GSTZ1: variants seen among roughly 807,000 people sequenced by gnomAD.
GSTZ1 encodes glutathione S-transferase zeta 1, also known as maleylacetoacetate isomerase.
GSTZ1 carries 34 observed loss-of-function variants against 35.9 expected under a neutral mutation model. The ratio of observed to expected loss-of-function variants is 0.95; its 90% confidence interval spans 0.72 to 1.26. The LOEUF (loss-of-function observed/expected upper bound fraction) is 1.26. Among genes scored for constraint, GSTZ1 ranks in the 50% most tolerant of loss-of-function variants. The pLI is 0.00. For synonymous variants in GSTZ1, 93 were observed against 101.2 expected, an observed-to-expected ratio of 0.92 and a Z score of 0.49; for missense variants, 263 against 271.7, an observed-to-expected ratio of 0.97 and a Z score of 0.23.
At chr14:77,330,257 C>A in intron 7 of GSTZ1, 53 bp from the exon 8 acceptor site, 1 of 1,283,666 alleles carries the variant, frequency 7.8e-7, no homozygotes, top group Non-Finnish European at 1.1e-6. Flanking sequence ...CCCAGTCCAG[C>A]CACTGACTCT....
At chr14:77,325,004 A>G (rs541804707) in intron 2 of GSTZ1, 83 bp downstream of exon 2, 537 of 1,166,440 alleles carry the variant, frequency 4.6e-4, no homozygotes, top group Non-Finnish European at 6.4e-4. Flanking sequence ...CTGGCCTGGG[A>G]TGGAAGGGTT....
Position 77,330,313 on chromosome 14 carries a change from A to T in GSTZ1, c.478A>T (p.Thr160Ser). The change falls in exon 8 of 9, where the codon ACC (threonine) becomes TCC (serine). Residue 160 changes from threonine (T) to serine (S), a missense_variant. Physicochemically the swap from Thr to Ser is moderately conservative, Grantham distance 58. Transcript: ENST00000216465. ...AACCCACCGGGACCTCTTTCAGGTG[A>T]CCATGGCTGATCTGTGCTTGGTGCC... ...AGIYCVGDEVTMADLCLVPQV... is the reference protein window; with the variant it reads ...AGIYCVGDEVSMADLCLVPQV... 6.2e-7 allele frequency: 1 copy of T among 1,613,354 alleles called. No individual in the cohort carries two copies. The highest frequency in any genetic ancestry group is 8.5e-7 in the Non-Finnish European group (1 of 1,179,282).
intron 1 of GSTZ1, chr14:77,321,411 A>G (rs1165099153): frequency 2.0e-6 from 3 of 1,529,306 alleles, no homozygotes; most frequent in Non-Finnish European, 1.7e-6. Flanking sequence ...AGTGCGTAGC[A>G]GGGTGGAGTC....
rs907194309 is a variant in GSTZ1 at position 77,321,057 on chromosome 14, C to G, written c.-112C>G. The G allele has an allele frequency of 1.8e-5, 21 of 1,189,228 alleles. No individual in the cohort carries two copies. Among genetic ancestry groups the G allele is most frequent in the Non-Finnish European group, 2.2e-5 (19 of 871,190 alleles). The allele number at this position is 1,189,228 out of a possible 1,614,324, so 73.7% of individuals were successfully genotyped here. A position where few individuals can be genotyped will look rare whatever the true frequency, so the allele number is the denominator to read the frequency against. Reference sequence around the variant, plus strand: ...CTTTCTAGTCCAGCCCCTCGCTTTACCCGGACGAAAGACACGGGCCTGATT... The same window carrying G: ...CTTTCTAGTCCAGCCCCTCGCTTTAGCCGGACGAAAGACACGGGCCTGATT... On this transcript the variant is annotated 5_prime_UTR_variant, in exon 1 of 9. Coordinates refer to ENST00000216465, the MANE Select transcript of GSTZ1 (RefSeq NM_145870.3).
chr14:77,322,604 A>G lies in GSTZ1; in HGVS notation c.15+1421A>G, dbSNP rs189423522. 8.7e-5 allele frequency: 86 copies of G among 984,638 alleles called. No individual in the cohort carries two copies. In the African/African-American group the frequency reaches 1.3e-3, roughly 15 times the overall value. The allele number at this position is 984,638 out of a possible 1,614,324, so 61.0% of individuals were successfully genotyped here. A position where few individuals can be genotyped will look rare whatever the true frequency, so the allele number is the denominator to read the frequency against. ...GGAGTCCCTGTAGCCTGGCTAGGTAAGGAAAGGGAGTTGCATCTCCAAATA... is the reference window on the plus strand; with the variant it reads ...GGAGTCCCTGTAGCCTGGCTAGGTAGGGAAAGGGAGTTGCATCTCCAAATA... On this transcript the variant is annotated intron_variant, in intron 1 of 8. Transcript: ENST00000216465.
chr14:77,328,114 T>C (rs1240748787), intron 5 of GSTZ1, 77 bp downstream of exon 5: 36 of 1,478,790 alleles, frequency 2.4e-5, no homozygotes, highest in Non-Finnish European at 2.8e-5. Flanking sequence ...AGCTGCCCAG[T>C]GTGGGGGCGG....
intron 1 of GSTZ1, among the ~76,000 whole-genome samples, chr14:77,321,871 G>A (rs929185833): frequency 2.7e-5 from 4 of 150,438 alleles, no homozygotes; most frequent in Non-Finnish European, 4.4e-5. Flanking sequence ...CGAAAGAGCG[G>A]GACTCCGGCT....
In GSTZ1 at chr14:77,327,522, G is replaced by A. The variant is rs1427265976; in HGVS notation, c.186G>A (p.Leu62=). 6.2e-6 allele frequency: 10 copies of A among 1,608,122 alleles called. No homozygotes were observed. In the Admixed American group the frequency reaches 1.7e-4, roughly 27 times the overall value. The change falls in exon 4 of 9, where the codon CTG becomes CTA. Residue 62 remains leucine (L), a synonymous_variant. Transcript: ENST00000216465. ...ALNPMKQVPT[L]KIDGITIHQS... is the part of the protein sequence containing the mutation. Reference sequence around the variant, plus strand: ...ATCCTATGAAGCAGGTGCCAACCCTGAAGATTGATGGAATCACCATTCACC... The same window carrying A: ...ATCCTATGAAGCAGGTGCCAACCCTAAAGATTGATGGAATCACCATTCACC...
At chr14:77,324,500 C>A in intron 1 of GSTZ1, 1 of 1,015,972 alleles carries the variant, frequency 9.8e-7, no homozygotes, top group Non-Finnish European at 1.5e-6. Flanking sequence ...GGTAGCCCAG[C>A]TTCCCCATTG....
At chr14:77,321,469 A>G (rs924644262) in intron 1 of GSTZ1, 2 of 1,500,352 alleles carry the variant, frequency 1.3e-6, no homozygotes, top group African/African-American at 1.4e-5. Flanking sequence ...TGCTCCCCAT[A>G]ACAGACCCCT....
In GSTZ1 at chr14:77,326,854, C is replaced by A; in HGVS notation, c.84C>A (p.Gly28=). ...CTCTCCTAGCTCTGGCCTTGAAAGGCATCGACTACGAGACGGTGCCCATCA... is the reference window on the plus strand; with the variant it reads ...CTCTCCTAGCTCTGGCCTTGAAAGGAATCGACTACGAGACGGTGCCCATCA... The part of the protein sequence containing the change: ...WRVRIALALK[G]IDYETVPINL... The change falls in exon 3 of 9, where the codon GGC becomes GGA. Residue 28 remains glycine, a synonymous_variant. Transcript: ENST00000216465. The A allele has an allele frequency of 1.2e-6, 2 of 1,606,720 alleles. No homozygotes were observed. Among genetic ancestry groups the A allele is most frequent in the East Asian group, 2.2e-5 (1 of 44,768 alleles).
Position 77,327,504 on chromosome 14 carries a change from G to A in GSTZ1, c.168G>A (p.Met56Ile), listed in dbSNP as rs1892383063. 1 of 1,609,052 alleles carries A rather than the reference G, an allele frequency of 6.2e-7. No individual in the cohort carries two copies. The highest frequency in any genetic ancestry group is 1.3e-5 in the African/African-American group (1 of 74,848). The change falls in exon 4 of 9, where the codon ATG (methionine) becomes ATA (isoleucine). Residue 56 changes from methionine (M) to isoleucine (I), a missense_variant. By Grantham distance (10) the Met-to-Ile change is conservative (BLOSUM62 1). Transcript: ENST00000216465. ...FSKDFQALNPMKQVPTLKIDG... is the reference protein window; with the variant it reads ...FSKDFQALNPIKQVPTLKIDG... ...AGGACTTCCAGGCACTGAATCCTATGAAGCAGGTGCCAACCCTGAAGATTG... is the reference window on the plus strand; with the variant it reads ...AGGACTTCCAGGCACTGAATCCTATAAAGCAGGTGCCAACCCTGAAGATTG...
In GSTZ1 at chr14:77,329,897, C is replaced by T. The variant is rs75572280; in HGVS notation, c.474+90C>T. ...TCAAGCTCAGAGCTTCCTGAGAAGG[C>T]GTCTGCAGGGGGATCTCTGTGCCAT... On this transcript the variant is annotated intron_variant, in intron 7 of 8. Coordinates refer to ENST00000216465, the MANE Select transcript of GSTZ1 (RefSeq NM_145870.3). 1.8e-3 allele frequency: 1,753 copies of T among 965,650 alleles called. 20 individuals are homozygous for T. In the African/African-American group the frequency reaches 0.023, roughly 13 times the overall value. The allele number at this position is 965,650 out of a possible 1,614,324, so 59.8% of individuals were successfully genotyped here. A position where few individuals can be genotyped will look rare whatever the true frequency, so the allele number is the denominator to read the frequency against.
intron 7 of GSTZ1, 90 bp from the exon 8 acceptor site, chr14:77,330,220 A>G: frequency 1.1e-6 from 1 of 891,202 alleles, no homozygotes; most frequent in Non-Finnish European, 1.9e-6. Context: ...GATTGTTGGT[A>G]CCCCCAGTAG....
intron 1 of GSTZ1, among the ~76,000 whole-genome samples, chr14:77,321,877 C>T (rs145820132): frequency 0.039 from 5,638 of 145,932 alleles, 362 homozygotes; most frequent in African/African-American, 0.14. Flanking sequence ...AGCGGGACTC[C>T]GGCTCAAAAA....
At chr14:77,324,705 A>G (rs1892219575) in intron 1 of GSTZ1, 165 bp from the exon 2 acceptor site, 2 of 1,203,708 alleles carry the variant, frequency 1.7e-6, no homozygotes, top group Non-Finnish European at 2.4e-6. Flanking sequence ...TTTTGGAGCC[A>G]AGGGACCTCA....
intron 7 of GSTZ1, chr14:77,330,091 G>A: frequency 1.4e-6 from 1 of 693,688 alleles, no homozygotes; most frequent in Non-Finnish European, 2.7e-6. Context: ...AACCCACAGA[G>A]TTGGTTGTCA....
Position 77,321,106 on chromosome 14 carries a change from TC to T in GSTZ1, c.-62del. The T allele has an allele frequency of 7.0e-7, 1 of 1,428,674 alleles. No homozygotes were observed. Among genetic ancestry groups the T allele is most frequent in the Non-Finnish European group, 9.3e-7 (1 of 1,080,880 alleles). The allele number at this position is 1,428,674 out of a possible 1,614,324, so 88.5% of individuals were successfully genotyped here. Reference sequence around the variant, plus strand: ...TTCGTCGAGTCTCACTGAGCCTTAGTCGTCGGCAGGTCCCAGGCGCGAAGTT... The same window carrying T: ...TTCGTCGAGTCTCACTGAGCCTTAGTGTCGGCAGGTCCCAGGCGCGAAGTT... On this transcript the variant is annotated 5_prime_UTR_variant, in exon 1 of 9. Transcript: ENST00000216465.
chr14:77,331,478 G>A lies in GSTZ1; in HGVS notation c.*283G>A. On this transcript the variant is annotated 3_prime_UTR_variant, in exon 9 of 9. Coordinates refer to ENST00000216465, the MANE Select transcript of GSTZ1 (RefSeq NM_145870.3). ...GAATGCGGATTAAAATGCCTGGCGT[G>A]CTCACCGTAACACCACGGGGAAGGC... is the stretch of plus-strand genomic sequence containing the variant. The A allele has an allele frequency of 5.3e-6, 2 of 379,940 alleles. No homozygotes were observed. Among genetic ancestry groups the A allele is most frequent in the Non-Finnish European group, 4.8e-6 (1 of 206,516 alleles). 23.5% of individuals were successfully genotyped at this position (379,940 alleles called of 1,614,324 possible). A position where few individuals can be genotyped will look rare whatever the true frequency, so the allele number is the denominator to read the frequency against.
Sources: gnomAD v4.1 joint callset for allele counts (sites outside exome capture counted in the v4.1 genomes callset) on GRCh38, gnomAD v4.1.1 for gene constraint, MANE v1.5 for transcripts, NCBI Gene and HGNC (gene_info 2026-07-23, HGNC 2026-07-21) for gene names.